Variants in CEP295 observed in about 807,000 individuals in gnomAD.
The protein encoded by CEP295 is centrosomal protein of 295 kDa.
CEP295 carries 190 observed loss-of-function variants against 291.6 expected under a neutral mutation model. That is an observed-to-expected ratio of 0.65 (90% CI 0.58 to 0.73). The LOEUF (loss-of-function observed/expected upper bound fraction) is 0.73, where lower values mean the gene tolerates loss of function less well. Ranked by LOEUF, CEP295 falls within the 30% of genes least tolerant of loss-of-function variation. CEP295 has a pLI of 0.00. For synonymous variants in CEP295, 993 were observed against 1,038.8 expected (o/e 0.96, Z 0.85); for missense variants, 2,863 against 2,949.4 (o/e 0.97, Z 0.68).
rs1227492734 is a variant in CEP295, at chr11:93,702,780, G to A, written c.5457G>A (p.Glu1819=). Residue 1819 remains glutamate, a synonymous_variant, in exon 17 of 30, where the codon GAG becomes GAA. Coordinates refer to ENST00000325212, the MANE Select transcript of CEP295 (RefSeq NM_033395.2). ...SEDTSAKQSG[E]HLEKDLGRRS... is the part of the protein sequence containing the mutation. ...ACTTTGTCATTGACTTAATAGGTGAGCATCTGGAGAAAGATCTGGGGAGAA... is the reference window on the plus strand; with the variant it reads ...ACTTTGTCATTGACTTAATAGGTGAACATCTGGAGAAAGATCTGGGGAGAA... 2 of 1,551,414 alleles carry A rather than the reference G, an allele frequency of 1.3e-6. No homozygotes were observed. Among genetic ancestry groups the A allele is most frequent in the Admixed American group, 2.0e-5 (1 of 50,894 alleles).
intron 18 of CEP295, among the ~76,000 whole-genome samples, chr11:93,721,030 T>C (rs1953675643): frequency 6.6e-6 from 1 of 152,258 alleles, no homozygotes; most frequent in Non-Finnish European, 1.5e-5. Flanking sequence ...CTGGTTCTTT[T>C]CTAGGTTTTA....
chr11:93,690,284 C>T (rs770094618), intron 10 of CEP295, among the ~76,000 whole-genome samples: 1 of 151,956 alleles, frequency 6.6e-6, no homozygotes, highest in Non-Finnish European at 1.5e-5. Flanking sequence ...GGGCTGGGTG[C>T]GGTGGCTCAT....
intron 12 of CEP295, among the ~76,000 whole-genome samples, chr11:93,693,805 C>T (rs1591047594): frequency 6.6e-6 from 1 of 152,118 alleles, no homozygotes; most frequent in African/African-American, 2.4e-5. Flanking sequence ...TAGTCTAGAA[C>T]AGTATTGTTC....
chr11:93,669,207 T>C (rs1950320823), intron 4 of CEP295, among the ~76,000 whole-genome samples: 2 of 152,096 alleles, frequency 1.3e-5, no homozygotes, highest in Non-Finnish European at 2.9e-5. Flanking sequence ...AGAATGCATG[T>C]CAACCAATGT....
At chr11:93,677,354 G>C (rs534317763) in intron 6 of CEP295, among the ~76,000 whole-genome samples, 6 of 152,166 alleles carry the variant, frequency 3.9e-5, no homozygotes, top group African/African-American at 1.4e-4. Context: ...AGCCTTTTTA[G>C]CACATAAGAG....
intron 4 of CEP295, among the ~76,000 whole-genome samples, chr11:93,669,215 T>G (rs1263715160): frequency 6.6e-6 from 1 of 152,106 alleles, no homozygotes; most frequent in Non-Finnish European, 1.5e-5. Context: ...TGTCAACCAA[T>G]GTCTGTTTCC....
At chr11:93,662,955 A>G (rs1236727359) in intron 1 of CEP295, among the ~76,000 whole-genome samples, 1 of 152,260 alleles carries the variant, frequency 6.6e-6, no homozygotes, top group African/African-American at 2.4e-5. Context: ...CCAAAAATAC[A>G]TAACCTCAGT....
chr11:93,700,926 G>A (rs1166621036), intron 15 of CEP295, among the ~76,000 whole-genome samples: 1 of 152,014 alleles, frequency 6.6e-6, no homozygotes, highest in Non-Finnish European at 1.5e-5. Context: ...GTTGTAAAAC[G>A]GGCATGATTT....
Position 93,697,799 on chromosome 11 carries a change from A to G in CEP295, c.2887A>G (p.Ser963Gly). The G allele has an allele frequency of 6.4e-7, 1 of 1,551,786 alleles. No homozygotes were observed. Among genetic ancestry groups the G allele is most frequent in the Non-Finnish European group, 8.7e-7 (1 of 1,147,000 alleles). Residue 963 changes from serine (S) to glycine (G), a missense_variant, in exon 15 of 30, where the codon AGC becomes GGC. Ser to Gly is a moderately conservative substitution (Grantham distance 56). This residue lies in a region of CEP295 where 2,295 missense variants were observed against 2,335.7 expected (regional missense o/e 0.98). Transcript: ENST00000325212. The stretch of plus-strand genomic sequence containing the variant: ...AGAGCAGTTGAATATTCAGAAGGAT[A>G]GCCTTCAGGCTAGGCGAGAAGCCCA... ...LQEQLNIQKD[S>G]LQARREAQEV...
At chr11:93,690,560 CAAAAAAAAA>C (rs756087606) in intron 10 of CEP295, among the ~76,000 whole-genome samples, 2 of 53,170 alleles carry the variant, frequency 3.8e-5, no homozygotes, top group African/African-American at 7.0e-5. Flanking sequence ...CTCTGTCTCA[CAAAAAAAAA>C]AAAAAAAAAA....
chr11:93,665,756 G>A (rs1950182045), intron 1 of CEP295, among the ~76,000 whole-genome samples: 1 of 152,172 alleles, frequency 6.6e-6, no homozygotes, highest in Non-Finnish European at 1.5e-5. Context: ...ATACAGCCGA[G>A]CAAGTCATTC....
chr11:93,705,492 T>A (rs1052998011), intron 17 of CEP295, among the ~76,000 whole-genome samples: 4 of 152,300 alleles, frequency 2.6e-5, no homozygotes, highest in African/African-American at 9.6e-5. Context: ...TGGGCTAATT[T>A]TCTTAATTTT....
chr11:93,727,328 A>G lies in CEP295; in HGVS notation c.6852A>G (p.Leu2284=), dbSNP rs1351198036. The change falls in exon 24 of 30, where the codon CTA becomes CTG. Residue 2284 remains leucine (L), a synonymous_variant. Coordinates refer to ENST00000325212, the MANE Select transcript of CEP295 (RefSeq NM_033395.2). ...AGGAAAGTATGGGCTTTGAAGAACT[A>G]TCAAAAAGAGGGGTTGTTACAATGT... ...SRKESMGFEE[L]SKRGVVTMLQ... 2 of 1,551,560 alleles carry G rather than the reference A, an allele frequency of 1.3e-6. No individual in the cohort carries two copies. Among genetic ancestry groups the G allele is most frequent in the Non-Finnish European group, 1.7e-6 (2 of 1,146,938 alleles).
intron 1 of CEP295, among the ~76,000 whole-genome samples, chr11:93,663,566 G>T (rs1341718430): frequency 6.6e-6 from 1 of 152,112 alleles, no homozygotes; most frequent in Non-Finnish European, 1.5e-5. Flanking sequence ...AAAATATTGT[G>T]TCAGTGTTAA....
intron 24 of CEP295, 40 bp from the exon 25 acceptor site, chr11:93,728,641 G>T (rs868404904): frequency 6.7e-7 from 1 of 1,493,454 alleles, no homozygotes; most frequent in Middle Eastern, 1.8e-4. Context: ...GTCTTTTAAG[G>T]CTATTTTGAC....
chr11:93,670,299 T>G (rs1447051200), intron 5 of CEP295, among the ~76,000 whole-genome samples: 1 of 152,074 alleles, frequency 6.6e-6, no homozygotes, highest in Non-Finnish European at 1.5e-5. Flanking sequence ...AGGTGTGATT[T>G]TAAAAAAGAA....
chr11:93,688,849 A>G (rs1483475928), intron 10 of CEP295, among the ~76,000 whole-genome samples: 14 of 152,076 alleles, frequency 9.2e-5, no homozygotes, highest in Non-Finnish European at 1.9e-4. Context: ...ATCTAATAAT[A>G]TCTTAAATTT....
At chr11:93,707,961 T>C (rs1952629883) in intron 18 of CEP295, among the ~76,000 whole-genome samples, 1 of 152,236 alleles carries the variant, frequency 6.6e-6, no homozygotes, top group South Asian at 2.1e-4. Context: ...TGGATTAAAA[T>C]AACTGTAAAG....
At position 93,723,284 on chromosome 11, in the gene CEP295, T is replaced by C; in HGVS notation, c.6191T>C (p.Leu2064Ser). 1 of 1,498,062 alleles carries C rather than the reference T, an allele frequency of 6.7e-7. No homozygotes were observed. The highest frequency in any genetic ancestry group is 1.3e-5 in the South Asian group (1 of 78,118). The allele number at this position is 1,498,062 out of a possible 1,614,324, so 92.8% of individuals were successfully genotyped here. Residue 2064 changes from leucine to serine, a missense_variant, in exon 21 of 30, where the codon TTG becomes TCG. Around this residue, in one of 3 missense-constraint regions of CEP295, gnomAD observed 2,295 missense variants for 2,335.7 expected, o/e 0.98. Coordinates refer to ENST00000325212, the MANE Select transcript of CEP295 (RefSeq NM_033395.2). ...EANLIPEKTD[L>S]QELEHIFPNL... ...AATTTGATACCTGAAAAAACAGATTTGCAAGGTAAAATTATTTTAAAGCAA... is the reference window on the plus strand; with the variant it reads ...AATTTGATACCTGAAAAAACAGATTCGCAAGGTAAAATTATTTTAAAGCAA...
Sources: gnomAD v4.1 joint callset for allele counts (sites outside exome capture counted in the v4.1 genomes callset) on GRCh38, gnomAD v4.1.1 for gene constraint, gnomAD v4.1.1 regional missense constraint, MANE v1.5 for transcripts, NCBI Gene and HGNC (gene_info 2026-07-23, HGNC 2026-07-21) for gene names.